The following CCDC91 variants were observed in gnomAD, a reference collection of about 807,000 sequenced individuals.
The protein encoded by CCDC91 is coiled-coil domain containing 91.
In CCDC91, 48 loss-of-function variants were observed where a neutral mutation model predicts 63.2. That is an observed-to-expected ratio of 0.76 (90% CI 0.60 to 0.97). The LOEUF is 0.97. Ranked by LOEUF, CCDC91 falls within the 50% of genes least tolerant of loss-of-function variation. The probability of loss-of-function intolerance (pLI) is 0.00; values close to 1 mark genes in which losing one functional copy is unlikely to be tolerated. For synonymous variants in CCDC91, 167 were observed against 165.8 expected (o/e 1.01, Z -0.06); for missense variants, 500 against 494.6 (o/e 1.01, Z -0.10).
chr12:28,372,190 G>A (rs1481279071), intron 7 of CCDC91, among the ~76,000 whole-genome samples: 3 of 152,016 alleles, frequency 2.0e-5, no homozygotes, highest in Non-Finnish European at 4.4e-5. Flanking sequence ...CTGTTACATT[G>A]GTCTAAGTAT....
rs576498032 is a variant in CCDC91 at position 28,428,167 on chromosome 12, A to G, written c.763-21994A>G. On this transcript the variant is annotated intron_variant, in intron 8 of 12. Coordinates refer to ENST00000536442, the MANE Select transcript of CCDC91 (RefSeq NM_018318.5). Reference sequence around the variant, plus strand: ...TCAGTCATCATTATTCACAGTGTTCACTGTGTGCCCTCATATACTTCATAG... The same window carrying G: ...TCAGTCATCATTATTCACAGTGTTCGCTGTGTGCCCTCATATACTTCATAG... Among the ~76,000 whole-genome samples, 12 of 152,294 alleles carry G rather than the reference A, an allele frequency of 7.9e-5. No individual in the cohort carries two copies. The Middle Eastern group carries it at 0.017, about 216-fold the overall frequency.
At chr12:28,443,186 A>C (rs1949321451) in intron 8 of CCDC91, among the ~76,000 whole-genome samples, 1 of 151,312 alleles carries the variant, frequency 6.6e-6, no homozygotes, top group African/African-American at 2.4e-5. Context: ...CTAGGTCTCT[A>C]ATTCTTCTCC....
intron 11 of CCDC91, among the ~76,000 whole-genome samples, chr12:28,458,531 G>A (rs1180189813): frequency 1.6e-5 from 2 of 124,396 alleles, no homozygotes; most frequent in Non-Finnish European, 3.2e-5. Context: ...TTGCAGGGGT[G>A]CTATCTTAGC....
intron 7 of CCDC91, among the ~76,000 whole-genome samples, chr12:28,369,748 G>T (rs895667444): frequency 6.6e-6 from 1 of 152,166 alleles, no homozygotes; most frequent in East Asian, 1.9e-4. Flanking sequence ...CTAGGCAAAG[G>T]CTCCCAAATC....
At chr12:28,406,104 T>G (rs1281937108) in intron 8 of CCDC91, among the ~76,000 whole-genome samples, 2 of 152,124 alleles carry the variant, frequency 1.3e-5, no homozygotes, top group Admixed American at 6.6e-5. Flanking sequence ...AATTTTTAAG[T>G]TCCAGGGTAC....
chr12:28,341,327 A>G (rs918725983), intron 6 of CCDC91, among the ~76,000 whole-genome samples: 27 of 152,270 alleles, frequency 1.8e-4, no homozygotes, highest in Non-Finnish European at 2.8e-4. Flanking sequence ...GCCCATGGGC[A>G]CAGGTCTGGG....
rs1466121917 is a variant in CCDC91 at position 28,502,451 on chromosome 12, C to G, written c.1215+18286C>G. ...TAAAAGAGGATACAAACAAATGGAACAACATTCCATGCTCATGGGTAGGAA... is the reference window on the plus strand; with the variant it reads ...TAAAAGAGGATACAAACAAATGGAAGAACATTCCATGCTCATGGGTAGGAA... On this transcript the variant is annotated intron_variant, in intron 12 of 12. Coordinates refer to ENST00000536442, the MANE Select transcript of CCDC91 (RefSeq NM_018318.5). 1.6e-3 allele frequency among the ~76,000 whole-genome samples: 240 copies of G among 151,460 alleles called. 2 individuals carry two copies. The highest frequency in any genetic ancestry group is 5.0e-3 in the African/African-American group (208 of 41,426).
chr12:28,477,303 A>C (rs572447711), intron 11 of CCDC91, among the ~76,000 whole-genome samples: 1 of 152,312 alleles, frequency 6.6e-6, no homozygotes, highest in South Asian at 2.1e-4. Context: ...CTGGGATGCA[A>C]GGCTGGTTCA....
At chr12:28,286,238 A>G (rs1186618247) in intron 3 of CCDC91, among the ~76,000 whole-genome samples, 1 of 152,144 alleles carries the variant, frequency 6.6e-6, no homozygotes, top group Admixed American at 6.5e-5. Context: ...TTTAAGTTCA[A>G]GGTTACGTGT....
chr12:28,280,993 A>AAT lies in CCDC91; in HGVS notation c.109+21552_109+21553insTA, dbSNP rs1297660995. 9.9e-5 allele frequency among the ~76,000 whole-genome samples: 15 copies of AAT among 152,256 alleles called. No homozygotes were observed. In the South Asian group the frequency reaches 2.9e-3, roughly 30 times the overall value. On this transcript the variant is annotated intron_variant, in intron 3 of 12. Coordinates refer to ENST00000536442, the MANE Select transcript of CCDC91 (RefSeq NM_018318.5). ...TTCTGTCTAAAAAAATAAATAAATAAAAAGATATCCTATGCAATATGGCTT... is the reference window on the plus strand; with the variant it reads ...TTCTGTCTAAAAAAATAAATAAATAAATAAAGATATCCTATGCAATATGGCTT...
At chr12:28,394,548 G>A (rs1052744227) in intron 8 of CCDC91, among the ~76,000 whole-genome samples, 2 of 151,918 alleles carry the variant, frequency 1.3e-5, no homozygotes, top group African/African-American at 4.8e-5. Context: ...ATATAGAAAT[G>A]GTGACTCCAC....
intron 3 of CCDC91, among the ~76,000 whole-genome samples, chr12:28,291,424 G>T (rs891483220): frequency 2.0e-5 from 3 of 152,172 alleles, no homozygotes; most frequent in Non-Finnish European, 4.4e-5. Context: ...ACCAGTGCTG[G>T]CTGCAGGCAT....
intron 3 of CCDC91, among the ~76,000 whole-genome samples, chr12:28,293,243 G>A (rs1949354230): frequency 6.6e-6 from 1 of 152,148 alleles, no homozygotes; most frequent in Non-Finnish European, 1.5e-5. Flanking sequence ...ATAGAAGTAA[G>A]AGAACTGAAA....
chr12:28,334,198 T>A (rs1345903919), intron 6 of CCDC91, among the ~76,000 whole-genome samples: 7 of 152,090 alleles, frequency 4.6e-5, no homozygotes, highest in African/African-American at 1.7e-4. Context: ...TGTTTTCTTG[T>A]TTGGGAGACT....
At chr12:28,369,496 T>C (rs1477048473) in intron 7 of CCDC91, among the ~76,000 whole-genome samples, 61 of 152,136 alleles carry the variant, frequency 4.0e-4, no homozygotes, top group Non-Finnish European at 5.9e-5. Flanking sequence ...TGGCATTGAG[T>C]GCCTACAGGT....
intron 6 of CCDC91, among the ~76,000 whole-genome samples, chr12:28,311,212 G>T (rs1294777973): frequency 1.3e-5 from 2 of 151,956 alleles, no homozygotes; most frequent in Non-Finnish European, 2.9e-5. Context: ...GCTCCCACAG[G>T]CCTTAGCAGA....
intron 3 of CCDC91, among the ~76,000 whole-genome samples, chr12:28,298,779 C>CAT (rs112509141): frequency 0.28 from 41,015 of 148,562 alleles, 6,075 homozygotes; most frequent in East Asian, 0.58. Flanking sequence ...CTTGTGTGCA[C>CAT]ATATATATAT....
intron 12 of CCDC91, among the ~76,000 whole-genome samples, chr12:28,493,387 C>G (rs1397244500): frequency 6.6e-6 from 1 of 151,660 alleles, no homozygotes; most frequent in African/African-American, 2.4e-5. Context: ...GTATACCTTT[C>G]TGTTTTTACA....
intron 3 of CCDC91, among the ~76,000 whole-genome samples, chr12:28,279,661 A>T (rs1948468853): frequency 1.3e-5 from 2 of 151,942 alleles, no homozygotes; most frequent in South Asian, 4.1e-4. Flanking sequence ...GTAATTAGAA[A>T]TTTCCCTATA....
Sources: allele counts gnomAD v4.1 joint callset (sites outside exome capture counted in the v4.1 genomes callset), GRCh38; gene constraint gnomAD v4.1.1; transcripts MANE v1.5; gene names NCBI Gene and HGNC (gene_info 2026-07-23, HGNC 2026-07-21).